CFAP97: variants seen among roughly 807,000 people sequenced by gnomAD.
CFAP97 encodes the protein cilia- and flagella-associated protein 97.
A neutral mutation model predicts 43.1 loss-of-function variants in CFAP97; 36 were observed. The observed-to-expected ratio is 0.84, with a 90% CI of 0.64 to 1.10. The LOEUF (loss-of-function observed/expected upper bound fraction) is 1.10. Ranked by LOEUF, CFAP97 falls within the 50% of genes least tolerant of loss-of-function variation. CFAP97 has a pLI of 0.00. For missense variants in CFAP97, 657 were observed against 620.3 expected, an observed-to-expected ratio of 1.06 and a Z score of -0.63; for synonymous variants, 228 against 225.7, an observed-to-expected ratio of 1.01 and a Z score of -0.09.
chr4:185,188,684 A>C (rs1388025962), intron 2 of CFAP97, among the ~76,000 whole-genome samples: 2 of 147,450 alleles, frequency 1.4e-5, no homozygotes, highest in African/African-American at 4.9e-5. Flanking sequence ...TGAAGAGTGG[A>C]AACTAATAGG....
intron 1 of CFAP97, among the ~76,000 whole-genome samples, chr4:185,192,478 C>T (rs570091249): frequency 1.1e-3 from 160 of 152,050 alleles, no homozygotes; most frequent in African/African-American, 3.6e-3. Context: ...CCCTAGAGAC[C>T]ACGTTTTTGT....
At position 185,176,562 on chromosome 4, in the gene CFAP97, A is replaced by C. The variant is rs565002875; in HGVS notation, c.1055-511T>G. Among the ~76,000 whole-genome samples the C allele has an allele frequency of 3.9e-5, 6 of 152,364 alleles. No homozygotes were observed. The South Asian group carries it at 6.2e-4, about 16-fold the overall frequency. ...ATGCTCACCGGGTTCCTTGGGCATA[A>C]AAGCTACACACGAAACAATGAAAGT... is the stretch of plus-strand genomic sequence containing the variant. On this transcript the variant is annotated intron_variant, in intron 2 of 4. Transcript: ENST00000458385.
intron 3 of CFAP97, among the ~76,000 whole-genome samples, chr4:185,173,384 T>C (rs1016958208): frequency 1.7e-5 from 2 of 117,324 alleles, no homozygotes; most frequent in Admixed American, 8.5e-5. Context: ...AAAAAAAAAG[T>C]AAACCCAGGT....
At chr4:185,200,498 G>C (rs1266384804) in intron 1 of CFAP97, among the ~76,000 whole-genome samples, 1 of 152,198 alleles carries the variant, frequency 6.6e-6, no homozygotes, top group Non-Finnish European at 1.5e-5. Flanking sequence ...AAATTAGCTA[G>C]GTGTGGTAGC....
At chr4:185,167,083 G>A (rs1490818110) in intron 3 of CFAP97, among the ~76,000 whole-genome samples, 1 of 152,112 alleles carries the variant, frequency 6.6e-6, no homozygotes, top group Non-Finnish European at 1.5e-5. Context: ...GAAGCCAAAA[G>A]AATGGACACC....
chr4:185,201,571 T>C (rs551190037), intron 1 of CFAP97, among the ~76,000 whole-genome samples: 14 of 152,200 alleles, frequency 9.2e-5, no homozygotes, highest in Admixed American at 9.2e-4. Flanking sequence ...GCTCAGATGA[T>C]TGACAGCATT....
chr4:185,181,899 C>T (rs1390443028), intron 2 of CFAP97, among the ~76,000 whole-genome samples: 1 of 152,170 alleles, frequency 6.6e-6, no homozygotes, highest in Non-Finnish European at 1.5e-5. Context: ...TGGAGCATAA[C>T]AGGGTCTGTA....
Position 185,170,211 on chromosome 4 carries a change from T to C in CFAP97, c.1320+5575A>G, listed in dbSNP as rs1037384887. The C allele has an allele frequency of 1.0e-5, 6 of 592,626 alleles. No homozygotes were observed. In the African/African-American group the frequency reaches 1.2e-4, roughly 11 times the overall value. The allele number at this position is 592,626 out of a possible 1,614,324, so 36.7% of individuals were successfully genotyped here. On this transcript the variant is annotated intron_variant, in intron 3 of 4. Coordinates refer to ENST00000458385, the MANE Select transcript of CFAP97 (RefSeq NM_020827.3). ...AAATACAAAAATTAGCTGGGTGTGG[T>C]GGTGTAAGCCTGTAGTTCCAGTTAC... is the stretch of plus-strand genomic sequence containing the variant.
At chr4:185,180,327 C>T (rs1370093629) in intron 2 of CFAP97, among the ~76,000 whole-genome samples, 2 of 152,044 alleles carry the variant, frequency 1.3e-5, no homozygotes, top group Admixed American at 6.5e-5. Context: ...TCAGTGGTAC[C>T]GAATACATTC....
At chr4:185,171,153 T>C (rs1256185226) in intron 3 of CFAP97, among the ~76,000 whole-genome samples, 1 of 152,162 alleles carries the variant, frequency 6.6e-6, no homozygotes, top group Non-Finnish European at 1.5e-5. Context: ...TTTCAATTTT[T>C]CTACATGAAA....
chr4:185,185,218 A>G (rs954385997), intron 2 of CFAP97, among the ~76,000 whole-genome samples: 6 of 151,946 alleles, frequency 3.9e-5, no homozygotes, highest in African/African-American at 1.4e-4. Flanking sequence ...TTTTTTTCTG[A>G]ACAGGAAATG....
At chr4:185,169,879 A>G (rs1292543580) in intron 3 of CFAP97, 9 of 986,252 alleles carry the variant, frequency 9.1e-6, no homozygotes, top group South Asian at 4.7e-5. Flanking sequence ...ACAGACCTTA[A>G]CCAGACAAGA....
At chr4:185,205,888 T>A (rs528188590), upstream of CFAP97, among the ~76,000 whole-genome samples, 1 of 152,180 alleles carries the variant, frequency 6.6e-6, no homozygotes, top group Admixed American at 6.5e-5. Flanking sequence ...AGTAGATATT[T>A]CTCCAAAGAA....
intron 3 of CFAP97, chr4:185,169,948 T>G: frequency 9.8e-7 from 1 of 1,015,324 alleles, no homozygotes; most frequent in Non-Finnish European, 1.2e-6. Flanking sequence ...AAAAGTACTG[T>G]TAATCAACAG....
At chr4:185,174,130 A>G (rs537563610) in intron 3 of CFAP97, among the ~76,000 whole-genome samples, 1 of 152,276 alleles carries the variant, frequency 6.6e-6, no homozygotes, top group African/African-American at 2.4e-5. Flanking sequence ...TAACTATAAG[A>G]TTGCTATCAG....
upstream of CFAP97, chr4:185,209,619 C>T (rs879392093): frequency 2.2e-3 from 1,148 of 521,190 alleles, 1 homozygote; most frequent in Non-Finnish European, 2.6e-3. The surrounding 1 kb of genome is among the most constrained non-coding windows in gnomAD (Gnocchi z 5.2). Flanking sequence ...GGTGGGGCTC[C>T]CTGGCTGCGC....
At chr4:185,194,793 AG>A (rs1180885896) in intron 1 of CFAP97, among the ~76,000 whole-genome samples, 2 of 152,218 alleles carry the variant, frequency 1.3e-5, no homozygotes, top group African/African-American at 4.8e-5. Context: ...AAGCAAAACT[AG>A]GGGAGAGGAG....
chr4:185,184,951 T>C (rs930379154), intron 2 of CFAP97, among the ~76,000 whole-genome samples: 5 of 152,196 alleles, frequency 3.3e-5, no homozygotes, highest in Non-Finnish European at 7.3e-5. Flanking sequence ...AAATAGTACT[T>C]ACAAGATTTT....
At chr4:185,205,535 T>C (rs1337029523), upstream of CFAP97, among the ~76,000 whole-genome samples, 1 of 151,980 alleles carries the variant, frequency 6.6e-6, no homozygotes, top group Non-Finnish European at 1.5e-5. Flanking sequence ...GGGATAGTTG[T>C]TAAACTGTGG....
Sources: gnomAD v4.1 joint callset for allele counts (sites outside exome capture counted in the v4.1 genomes callset) on GRCh38, gnomAD v4.1.1 for gene constraint, Gnocchi (gnomAD v3.1) non-coding constraint, MANE v1.5 for transcripts, NCBI Gene and HGNC (gene_info 2026-07-23, HGNC 2026-07-21) for gene names.